ASXL3: variants seen among roughly 807,000 people sequenced by gnomAD.
ASXL3 encodes ASXL transcriptional regulator 3, also known as putative Polycomb group protein ASXL3.
ASXL3 carries 34 observed loss-of-function variants against 170.6 expected under a neutral mutation model. The observed-to-expected ratio is 0.20, with a 90% CI of 0.15 to 0.27. The LOEUF (loss-of-function observed/expected upper bound fraction) is 0.27. ASXL3 is among the 10% of genes least tolerant of loss of function. The probability of loss-of-function intolerance (pLI) is 1.00; values close to 1 mark genes in which losing one functional copy is unlikely to be tolerated. For missense variants in ASXL3, 2,592 were observed against 2,695.3 expected (o/e 0.96, Z 0.85); for synonymous variants, 1,002 against 989.1 (o/e 1.01, Z -0.24).
chr18:33,686,081 C>T (rs1171425956), intron 8 of ASXL3, among the ~76,000 whole-genome samples: 1 of 152,196 alleles, frequency 6.6e-6, no homozygotes, highest in Non-Finnish European at 1.5e-5. Context: ...TTTTCTTCAA[C>T]CTCTAGCAGT....
chr18:33,749,330 A>AC lies in ASXL3; in HGVS notation c.*2736dup, dbSNP rs368307672. The AC allele has an allele frequency of 9.4e-4, 143 of 152,208 alleles. No individual in the cohort carries two copies. The highest frequency in any genetic ancestry group is 3.4e-3 in the African/African-American group (143 of 41,528). 9.4% of individuals were successfully genotyped at this position (152,208 alleles called of 1,614,324 possible). On this transcript the variant is annotated 3_prime_UTR_variant, in exon 12 of 12. Transcript: ENST00000269197. ...TATGTGCAAATGTAGTATATTATTT[A>AC]CTACATGGTTATTGTGGTGTAGTGT... is the stretch of plus-strand genomic sequence containing the variant.
At chr18:33,698,644 G>A (rs996772952) in intron 8 of ASXL3, among the ~76,000 whole-genome samples, 3 of 152,110 alleles carry the variant, frequency 2.0e-5, no homozygotes, top group Non-Finnish European at 4.4e-5. Flanking sequence ...ATTTCCAAAT[G>A]TTAATGGCTG....
chr18:33,610,845 C>G (rs985858246), intron 2 of ASXL3, among the ~76,000 whole-genome samples: 1 of 151,932 alleles, frequency 6.6e-6, no homozygotes, highest in African/African-American at 2.4e-5. Context: ...AAACTTAACA[C>G]GTTTGTGGAA....
At chr18:33,625,361 C>G (rs1440524440) in intron 2 of ASXL3, among the ~76,000 whole-genome samples, 9 of 152,114 alleles carry the variant, frequency 5.9e-5, no homozygotes, top group Admixed American at 5.9e-4. Context: ...GATTCTTGTA[C>G]TTGACTGTGA....
chr18:33,738,405 G>A, intron 10 of ASXL3, 82 bp from the exon 11 acceptor site: 2 of 1,337,354 alleles, frequency 1.5e-6, no homozygotes, highest in Non-Finnish European at 2.0e-6. Flanking sequence ...TACTTCTATT[G>A]AATACTACAT....
At chr18:33,693,553 C>T (rs2066721700) in intron 8 of ASXL3, among the ~76,000 whole-genome samples, 1 of 152,034 alleles carries the variant, frequency 6.6e-6, no homozygotes, top group Admixed American at 6.6e-5. Context: ...TGCTAAGAGA[C>T]TAGAGGATCA....
intron 4 of ASXL3, among the ~76,000 whole-genome samples, chr18:33,652,585 T>A (rs7226372): frequency 1.1e-4 from 15 of 133,920 alleles, no homozygotes; most frequent in South Asian, 2.5e-4. Context: ...ATTAGTATTT[T>A]AAAAGTTTCT....
At chr18:33,584,262 T>C (rs561355267) in intron 1 of ASXL3, among the ~76,000 whole-genome samples, 2 of 151,548 alleles carry the variant, frequency 1.3e-5, no homozygotes, top group South Asian at 2.1e-4. Context: ...CCAGAAGACT[T>C]GGGGGGGCAT....
intron 2 of ASXL3, among the ~76,000 whole-genome samples, chr18:33,640,875 GAATT>G (rs1295272426): frequency 1.3e-5 from 2 of 151,642 alleles, no homozygotes; most frequent in African/African-American, 4.8e-5. Flanking sequence ...TTGTTGTACA[GAATT>G]AATTTTTTTA....
chr18:33,594,440 AG>A (rs1448976538), intron 1 of ASXL3, among the ~76,000 whole-genome samples: 7 of 152,206 alleles, frequency 4.6e-5, no homozygotes, highest in Admixed American at 3.3e-4. Context: ...AAGGAAGGCT[AG>A]GAAGCAACAG....
rs1268473446 is a variant in ASXL3 at position 33,751,048 on chromosome 18, C to G, written c.*4453C>G. ...TTTCTACAAAGAAAACAAGTGTTGC[C>G]TACAAAAGTGACTGCTCACAATACC... On this transcript the variant is annotated 3_prime_UTR_variant, in exon 12 of 12. Transcript: ENST00000269197. 1 of 152,072 alleles carries G rather than the reference C, an allele frequency of 6.6e-6. No individual in the cohort carries two copies. Among genetic ancestry groups the G allele is most frequent in the Non-Finnish European group, 1.5e-5 (1 of 67,992 alleles). 9.4% of individuals were successfully genotyped at this position (152,072 alleles called of 1,614,324 possible).
At chr18:33,619,172 A>G (rs1357270603) in intron 2 of ASXL3, among the ~76,000 whole-genome samples, 1 of 152,154 alleles carries the variant, frequency 6.6e-6, no homozygotes, top group Non-Finnish European at 1.5e-5. Flanking sequence ...CAAGCTAGAA[A>G]ATGATAAACC....
At chr18:33,605,528 C>T (rs896489694) in intron 1 of ASXL3, 2 of 151,868 alleles carry the variant, frequency 1.3e-5, no homozygotes, top group African/African-American at 4.8e-5. Flanking sequence ...ACTTTTACTT[C>T]CTTTGTAGAG....
At position 33,713,255 on chromosome 18, in the gene ASXL3, T is replaced by TTG. The variant is rs1483482411; in HGVS notation, c.880-18712_880-18711insGT. ...TTTTTTTTGTTTTGTTTTGTTTTTT[T>TTG]TTTTTTTTTTTTTTTTTTTGAGACA... On this transcript the variant is annotated intron_variant, in intron 8 of 11. Coordinates refer to ENST00000269197, the MANE Select transcript of ASXL3 (RefSeq NM_030632.3). 7.5e-4 allele frequency among the ~76,000 whole-genome samples: 84 copies of TTG among 111,938 alleles called. 1 individual carries two copies. The highest frequency in any genetic ancestry group is 9.6e-4 in the Non-Finnish European group (52 of 53,990). 73.4% of individuals were successfully genotyped at this position (111,938 alleles called of 152,430 possible). A position where few individuals can be genotyped will look rare whatever the true frequency, so the allele number is the denominator to read the frequency against.
At chr18:33,581,476 T>C (rs1029869243) in intron 1 of ASXL3, among the ~76,000 whole-genome samples, 2 of 150,814 alleles carry the variant, frequency 1.3e-5, no homozygotes, top group East Asian at 3.9e-4. Context: ...GGAGTGAGTG[T>C]GTGTGTGTGT....
In ASXL3 at chr18:33,611,999, G is replaced by T. The variant is rs1309447441; in HGVS notation, c.137+4323G>T. Among the ~76,000 whole-genome samples the T allele has an allele frequency of 2.6e-5, 4 of 151,958 alleles. No individual in the cohort carries two copies. In the East Asian group the frequency reaches 7.7e-4, roughly 29 times the overall value. On this transcript the variant is annotated intron_variant, in intron 2 of 11. Coordinates refer to ENST00000269197, the MANE Select transcript of ASXL3 (RefSeq NM_030632.3). ...AGGGGCTGCAAGGTTATGGAGTAAGGCTTGCATGACTTACATAGTGAGAGC... is the reference window on the plus strand; with the variant it reads ...AGGGGCTGCAAGGTTATGGAGTAAGTCTTGCATGACTTACATAGTGAGAGC...
At chr18:33,735,228 T>G (rs2067523964) in intron 10 of ASXL3, among the ~76,000 whole-genome samples, 1 of 152,192 alleles carries the variant, frequency 6.6e-6, no homozygotes, top group South Asian at 2.1e-4. Context: ...TGTGATCTCA[T>G]TTCACAAAAT....
chr18:33,587,612 G>A (rs1339992059), intron 1 of ASXL3, among the ~76,000 whole-genome samples: 1 of 152,030 alleles, frequency 6.6e-6, no homozygotes, highest in African/African-American at 2.4e-5. Context: ...ATAAAAGGAT[G>A]AATAGATGGT....
chr18:33,724,322 G>A (rs1328908757), intron 8 of ASXL3, among the ~76,000 whole-genome samples: 1 of 152,024 alleles, frequency 6.6e-6, no homozygotes, highest in Non-Finnish European at 1.5e-5. Context: ...AAGCTTGTAG[G>A]TTAAAGTTTA....
Sources: gnomAD v4.1 joint callset for allele counts (sites outside exome capture counted in the v4.1 genomes callset) on GRCh38, gnomAD v4.1.1 for gene constraint, MANE v1.5 for transcripts, NCBI Gene and HGNC (gene_info 2026-07-23, HGNC 2026-07-21) for gene names.